Variants in GALNT13 observed in about 807,000 individuals in gnomAD.
GALNT13 encodes the protein polypeptide N-acetylgalactosaminyltransferase 13.
GALNT13 carries 28 observed loss-of-function variants against 64.2 expected under a neutral mutation model. That is an observed-to-expected ratio of 0.44 (90% CI 0.32 to 0.60). The LOEUF (loss-of-function observed/expected upper bound fraction) is 0.60, where lower values mean the gene tolerates loss of function less well. GALNT13 is among the 20% of genes least tolerant of loss of function. GALNT13 has a pLI of 0.05. For missense variants in GALNT13, 577 were observed against 669.8 expected, an observed-to-expected ratio of 0.86 and a Z score of 1.53; for synonymous variants, 214 against 224.6, an observed-to-expected ratio of 0.95 and a Z score of 0.42.
At chr2:153,740,683 G>A in the GALNT13 span, among the ~76,000 whole-genome samples, 94,174 of 151,886 alleles carry the variant, frequency 0.62, 32,103 homozygotes, top group Non-Finnish European at 0.78. Flanking sequence ...ATGTTCCTTC[G>A]GAGTTTTCAG....
chr2:153,399,652 T>G, the GALNT13 span, among the ~76,000 whole-genome samples: 3 of 151,722 alleles, frequency 2.0e-5, no homozygotes, highest in Non-Finnish European at 4.4e-5. Context: ...CCCTTGTAAG[T>G]TGGATTCCTA....
intron 3 of GALNT13, among the ~76,000 whole-genome samples, chr2:153,960,774 G>T (rs1475183216): frequency 2.6e-5 from 4 of 152,092 alleles, no homozygotes; most frequent in Admixed American, 1.3e-4. Context: ...GTTGAGTCTT[G>T]CCTCCTATCT....
At chr2:153,261,087 A>G in the GALNT13 span, among the ~76,000 whole-genome samples, 1 of 152,124 alleles carries the variant, frequency 6.6e-6, no homozygotes, top group Non-Finnish European at 1.5e-5. Context: ...TTTATCTGAT[A>G]GTATTCTGAA....
chr2:153,686,245 C>G, the GALNT13 span, among the ~76,000 whole-genome samples: 1 of 151,934 alleles, frequency 6.6e-6, no homozygotes, highest in Non-Finnish European at 1.5e-5. Flanking sequence ...GCAGTATGAC[C>G]ATTTTCACAA....
At chr2:153,540,306 A>G in the GALNT13 span, among the ~76,000 whole-genome samples, 3 of 152,362 alleles carry the variant, frequency 2.0e-5, no homozygotes, top group South Asian at 4.1e-4. Flanking sequence ...GCAGGTGCAT[A>G]GAAGACAAGA....
chr2:153,478,597 G>T, the GALNT13 span: 5 of 1,490,858 alleles, frequency 3.4e-6, no homozygotes, highest in South Asian at 5.4e-5. Flanking sequence ...CGAGCGGCGC[G>T]GGTCCGAGGG....
chr2:153,408,430 A>T, the GALNT13 span, among the ~76,000 whole-genome samples: 1 of 152,174 alleles, frequency 6.6e-6, no homozygotes, highest in Non-Finnish European at 1.5e-5. Context: ...GTATAGAAGG[A>T]AGGAAGAGAG....
chr2:153,664,753 C>T, the GALNT13 span, among the ~76,000 whole-genome samples: 6 of 152,286 alleles, frequency 3.9e-5, no homozygotes, highest in Admixed American at 1.3e-4. Flanking sequence ...TCTTCTGCCA[C>T]GGCTTCAGCC....
the GALNT13 span, among the ~76,000 whole-genome samples, chr2:153,277,677 T>A: frequency 6.6e-6 from 1 of 152,060 alleles, no homozygotes; most frequent in Non-Finnish European, 1.5e-5. Context: ...CAACACTGTA[T>A]AAGGATTTCC....
the GALNT13 span, among the ~76,000 whole-genome samples, chr2:153,171,085 G>A: frequency 4.9e-3 from 751 of 152,234 alleles, 5 homozygotes; most frequent in African/African-American, 0.017. Context: ...TACCCCACTG[G>A]TAGTGCACCT....
the GALNT13 span, among the ~76,000 whole-genome samples, chr2:153,345,763 T>TTCCTTCCTTCCTTCTTTC: frequency 6.8e-6 from 1 of 147,008 alleles, no homozygotes; most frequent in Non-Finnish European, 1.5e-5. Flanking sequence ...CCTTCCTTCC[T>TTCCTTCCTTCCTTCTTTC]TCCTTCCTTC....
intron 3 of GALNT13, among the ~76,000 whole-genome samples, chr2:154,022,623 T>A (rs1315727364): frequency 1.3e-5 from 2 of 152,166 alleles, no homozygotes; most frequent in African/African-American, 4.8e-5. Context: ...TCTATCAATT[T>A]TGTTGATCTG....
chr2:153,487,281 C>T, the GALNT13 span, among the ~76,000 whole-genome samples: 1 of 152,170 alleles, frequency 6.6e-6, no homozygotes, highest in Non-Finnish European at 1.5e-5. Context: ...ATAGTGGCAA[C>T]AATAGTCCAA....
chr2:153,599,926 T>G, the GALNT13 span, among the ~76,000 whole-genome samples: 1 of 152,106 alleles, frequency 6.6e-6, no homozygotes, highest in African/African-American at 2.4e-5. Context: ...AACTTCCACA[T>G]TATCAAGATG....
intron 3 of GALNT13, among the ~76,000 whole-genome samples, chr2:154,000,156 G>T (rs755733776): frequency 2.0e-5 from 3 of 151,268 alleles, no homozygotes; most frequent in Non-Finnish European, 4.4e-5. Context: ...ATAATTATGT[G>T]TATTGGTTAT....
Position 154,010,114 on chromosome 2 carries a change from T to G in GALNT13, c.142+65475T>G, listed in dbSNP as rs566826744. Among the ~76,000 whole-genome samples, 45 of 152,318 alleles carry G rather than the reference T, an allele frequency of 3.0e-4. No homozygotes were observed. In the East Asian group the frequency reaches 7.9e-3, roughly 27 times the overall value. Reference sequence around the variant, plus strand: ...GAAATCATATAGTTGTGAAGAGAGATGGCTTTACCTCCTCTTTTCTTGTTT... The same window carrying G: ...GAAATCATATAGTTGTGAAGAGAGAGGGCTTTACCTCCTCTTTTCTTGTTT... On this transcript the variant is annotated intron_variant, in intron 3 of 12. Transcript: ENST00000392825.
intron 9 of GALNT13, among the ~76,000 whole-genome samples, chr2:154,364,134 A>C (rs774592793): frequency 8.5e-5 from 13 of 152,206 alleles, no homozygotes; most frequent in Non-Finnish European, 1.6e-4. Context: ...AAATGAAATC[A>C]TAATTTCTAT....
chr2:153,352,720 C>G, the GALNT13 span, among the ~76,000 whole-genome samples: 1 of 152,058 alleles, frequency 6.6e-6, no homozygotes, highest in Non-Finnish European at 1.5e-5. Context: ...GCTATATTCT[C>G]TTCATTGTAT....
the GALNT13 span, among the ~76,000 whole-genome samples, chr2:153,825,615 TGTG>T: frequency 2.2e-5 from 3 of 138,428 alleles, no homozygotes; most frequent in Admixed American, 7.2e-5. Context: ...GTGCTGTGTG[TGTG>T]TGTGTGTGTG....
Sources: allele counts gnomAD v4.1 joint callset (sites outside exome capture counted in the v4.1 genomes callset), GRCh38; gene constraint gnomAD v4.1.1; transcripts MANE v1.5; gene names NCBI Gene and HGNC (gene_info 2026-07-23, HGNC 2026-07-21).